The following PARG variants were observed in gnomAD, a reference collection of about 807,000 sequenced individuals.
PARG encodes the protein poly(ADP-ribose) glycohydrolase.
PARG carries 35 observed loss-of-function variants against 113.0 expected under a neutral mutation model. The observed-to-expected ratio is 0.31, with a 90% CI of 0.24 to 0.41. The LOEUF is 0.41. Ranked by LOEUF, PARG falls within the 10% of genes least tolerant of loss-of-function variation. The pLI is 1.00. For synonymous variants in PARG, 330 were observed against 409.9 expected (o/e 0.81, Z 2.36); for missense variants, 797 against 1,169.4 (o/e 0.68, Z 4.64).
intron 1 of PARG, among the ~76,000 whole-genome samples, chr10:49,938,794 T>A (rs1838874684): frequency 3.3e-5 from 5 of 152,212 alleles, no homozygotes. Context: ...AATTTAAAGA[T>A]ACTGAATAAA....
Position 49,923,273 on chromosome 10 carries a change from G to A in PARG, c.1456-604C>T, listed in dbSNP as rs1837984688. On this transcript the variant is annotated intron_variant, in intron 4 of 17. Transcript: ENST00000616448. ...GCCAGATTTTCATTATCTTTATGAA[G>A]TCTTTAGAAACTTCAAAGTAGTCAG... 2.0e-5 allele frequency among the ~76,000 whole-genome samples: 3 copies of A among 151,946 alleles called. No individual in the cohort carries two copies. The South Asian group carries it at 6.2e-4, about 32-fold the overall frequency.
chr10:49,928,630 A>G (rs1324403412), intron 4 of PARG, among the ~76,000 whole-genome samples: 240 of 151,416 alleles, frequency 1.6e-3, no homozygotes, highest in East Asian at 5.9e-3. Flanking sequence ...TTAGCCTCAT[A>G]AGTAGCTAGG....
At chr10:49,866,790 T>C (rs1554836982) in intron 10 of PARG, among the ~76,000 whole-genome samples, 2 of 152,186 alleles carry the variant, frequency 1.3e-5, no homozygotes, top group Admixed American at 6.5e-5. Flanking sequence ...AATCAAATAC[T>C]TCCCATCATA....
intron 13 of PARG, among the ~76,000 whole-genome samples, chr10:49,848,784 C>A (rs1229071316): frequency 2.0e-5 from 3 of 152,080 alleles, no homozygotes; most frequent in Non-Finnish European, 4.4e-5. Flanking sequence ...TAAAAACTTA[C>A]AACAGCAACA....
intron 15 of PARG, among the ~76,000 whole-genome samples, chr10:49,833,460 G>A (rs1311073072): frequency 1.3e-5 from 2 of 152,162 alleles, no homozygotes; most frequent in African/African-American, 4.8e-5. Context: ...ATCTATAGAA[G>A]GGATTCCTAT....
intron 7 of PARG, among the ~76,000 whole-genome samples, chr10:49,895,331 T>A (rs1265222150): frequency 6.6e-6 from 1 of 152,190 alleles, no homozygotes; most frequent in Non-Finnish European, 1.5e-5. Flanking sequence ...ATATAAATTT[T>A]AGTAATCAGC....
intron 1 of PARG, among the ~76,000 whole-genome samples, chr10:49,939,169 A>C (rs1355969917): frequency 6.6e-6 from 1 of 152,200 alleles, no homozygotes; most frequent in Non-Finnish European, 1.5e-5. Context: ...CGTATACCTG[A>C]AGTTCACCTT....
Position 49,929,566 on chromosome 10 carries a change from G to A in PARG, c.1455+2534C>T, listed in dbSNP as rs1554909450. Among the ~76,000 whole-genome samples the A allele has an allele frequency of 3.3e-4, 50 of 152,344 alleles. 1 individual carries two copies. The highest frequency in any genetic ancestry group is 1.1e-3 in the African/African-American group (47 of 41,590). On this transcript the variant is annotated intron_variant, in intron 4 of 17. Coordinates refer to ENST00000616448, the MANE Select transcript of PARG (RefSeq NM_003631.5). The stretch of plus-strand genomic sequence containing the variant: ...TTTTTGGCTGGGCGCGGTGGCTCAC[G>A]CCTGTAATCCCAGCACTTTGGAAGG...
At chr10:49,823,195 C>T (rs917636106) in intron 16 of PARG, among the ~76,000 whole-genome samples, 1 of 151,888 alleles carries the variant, frequency 6.6e-6, no homozygotes, top group Admixed American at 6.6e-5. Flanking sequence ...GTAAGTTAAG[C>T]TCAAATAATT....
chr10:49,825,638 T>C (rs1844315443), intron 16 of PARG, among the ~76,000 whole-genome samples: 1 of 152,230 alleles, frequency 6.6e-6, no homozygotes. Flanking sequence ...CATATATTGG[T>C]TTTTAAGAAG....
chr10:49,896,819 A>T (rs1272365325), intron 7 of PARG, among the ~76,000 whole-genome samples: 2 of 152,222 alleles, frequency 1.3e-5, no homozygotes, highest in Non-Finnish European at 2.9e-5. Context: ...GGCTTTATAA[A>T]TGAGTTGGAA....
chr10:49,897,006 T>C (rs1210338088), intron 7 of PARG, among the ~76,000 whole-genome samples: 8 of 152,244 alleles, frequency 5.3e-5, no homozygotes, highest in African/African-American at 1.9e-4. Context: ...TAGTCTCCCC[T>C]GTCTGTCATG....
chr10:49,924,882 C>T (rs1334034488), intron 4 of PARG, among the ~76,000 whole-genome samples: 10 of 152,116 alleles, frequency 6.6e-5, no homozygotes, highest in African/African-American at 2.2e-4. Flanking sequence ...GCAAGGGTCC[C>T]CAACCCCCCG....
At chr10:49,912,757 G>T (rs1837269207) in intron 7 of PARG, among the ~76,000 whole-genome samples, 1 of 152,144 alleles carries the variant, frequency 6.6e-6, no homozygotes. Context: ...TTGAGCCCAA[G>T]AGTTCAAGAC....
At chr10:49,834,892 T>C (rs1320112145) in intron 15 of PARG, among the ~76,000 whole-genome samples, 4 of 152,122 alleles carry the variant, frequency 2.6e-5, no homozygotes, top group African/African-American at 7.2e-5. Context: ...TAAAATTACA[T>C]AGAAATTAGA....
At chr10:49,830,278 A>T (rs986416731) in intron 16 of PARG, among the ~76,000 whole-genome samples, 3 of 152,242 alleles carry the variant, frequency 2.0e-5, no homozygotes, top group Non-Finnish European at 4.4e-5. Flanking sequence ...CATTCATTTT[A>T]CTTAAGAGAA....
intron 7 of PARG, among the ~76,000 whole-genome samples, chr10:49,886,922 C>A (rs1282705793): frequency 2.6e-5 from 4 of 152,242 alleles, no homozygotes; most frequent in African/African-American, 9.6e-5. Flanking sequence ...TCATAGATGA[C>A]ATTCTACTAT....
intron 15 of PARG, among the ~76,000 whole-genome samples, chr10:49,837,228 T>C (rs1474969772): frequency 1.3e-5 from 2 of 152,152 alleles, no homozygotes; most frequent in Non-Finnish European, 2.9e-5. Flanking sequence ...TTTGTAGGAT[T>C]GGCTTTTCAA....
rs2132980925 is a variant in PARG, at chr10:49,934,140, T to C, written c.308A>G (p.Asn103Ser). ...ACTCATCATGGATTCTATTCTTGTA[T>C]TGTTGTTTTCTTTACTATCCAAACT... ...SESLDSKENNNTRIESMMSSV... is the reference protein window; with the variant it reads ...SESLDSKENNSTRIESMMSSV... The change falls in exon 3 of 18, where the codon AAT becomes AGT. Residue 103 changes from asparagine to serine, a missense_variant. Asn to Ser is a conservative substitution (Grantham distance 46). This residue lies in a region of PARG where 284 missense variants were observed against 306.1 expected (regional missense o/e 0.93). Transcript: ENST00000616448. The C allele has an allele frequency of 3.6e-6, 4 of 1,120,230 alleles. No individual in the cohort carries two copies. Among genetic ancestry groups the C allele is most frequent in the East Asian group, 2.3e-5 (1 of 42,704 alleles). The allele number at this position is 1,120,230 out of a possible 1,614,324, so 69.4% of individuals were successfully genotyped here. A position where few individuals can be genotyped will look rare whatever the true frequency, so the allele number is the denominator to read the frequency against.
Sources: allele counts gnomAD v4.1 joint callset (sites outside exome capture counted in the v4.1 genomes callset), GRCh38; gene constraint gnomAD v4.1.1; regional missense constraint gnomAD v4.1.1; transcripts MANE v1.5; gene names NCBI Gene and HGNC (gene_info 2026-07-23, HGNC 2026-07-21).